LRP1B: variants seen among roughly 807,000 people sequenced by gnomAD.
The protein encoded by LRP1B is low-density lipoprotein receptor-related protein 1B.
Under a neutral mutation model 556.6 loss-of-function variants are expected in LRP1B, and 217 were observed. That is an observed-to-expected ratio of 0.39 (90% confidence interval 0.35 to 0.44). The LOEUF (loss-of-function observed/expected upper bound fraction) is 0.44, where lower values mean the gene tolerates loss of function less well. LRP1B is among the 20% of genes least tolerant of loss of function. The probability of loss-of-function intolerance (pLI) is 1.00; values close to 1 mark genes in which losing one functional copy is unlikely to be tolerated. For missense variants in LRP1B, 5,053 were observed against 5,620.8 expected, an observed-to-expected ratio of 0.90 and a Z score of 3.23; for synonymous variants, 2,047 against 1,865.8, an observed-to-expected ratio of 1.10 and a Z score of -2.50.
At chr2:141,946,431 C>T (rs189618461) in intron 1 of LRP1B, among the ~76,000 whole-genome samples, 1 of 152,072 alleles carries the variant, frequency 6.6e-6, no homozygotes, top group Non-Finnish European at 1.5e-5. Context: ...TTAGGTGGAA[C>T]TTTAGACGTG....
intron 7 of LRP1B, among the ~76,000 whole-genome samples, chr2:141,103,353 AG>A (rs1348706126): frequency 2.4e-4 from 37 of 152,148 alleles, no homozygotes; most frequent in Non-Finnish European, 3.2e-4. Flanking sequence ...ATTATTTAAA[AG>A]ACTTGTTTTA....
At chr2:140,769,892 T>C (rs1689248947) in intron 34 of LRP1B, among the ~76,000 whole-genome samples, 1 of 151,920 alleles carries the variant, frequency 6.6e-6, no homozygotes, top group Non-Finnish European at 1.5e-5. Context: ...AATACATCAA[T>C]AGCTTAATTA....
At chr2:141,879,283 T>C (rs1302037651) in intron 1 of LRP1B, among the ~76,000 whole-genome samples, 1 of 151,966 alleles carries the variant, frequency 6.6e-6, no homozygotes, top group East Asian at 1.9e-4. Flanking sequence ...TCTAAAAATA[T>C]ACTTGGGTAA....
chr2:141,761,446 A>G (rs1025488024), intron 2 of LRP1B, among the ~76,000 whole-genome samples: 1 of 152,140 alleles, frequency 6.6e-6, no homozygotes, highest in Non-Finnish European at 1.5e-5. Context: ...CATAGAAATC[A>G]TTTGAAAAAT....
chr2:141,125,859 A>AAC (rs1701192727), intron 7 of LRP1B, among the ~76,000 whole-genome samples: 2 of 150,574 alleles, frequency 1.3e-5, no homozygotes, highest in South Asian at 2.1e-4. Flanking sequence ...AAAAAAAAAA[A>AAC]AACAAAAAAC....
At chr2:141,246,258 A>G (rs1285069076) in intron 5 of LRP1B, among the ~76,000 whole-genome samples, 1 of 152,218 alleles carries the variant, frequency 6.6e-6, no homozygotes, top group Non-Finnish European at 1.5e-5. Flanking sequence ...AGAAGGCTAC[A>G]TTAATGTGAA....
At chr2:141,776,959 T>C (rs1016368816) in intron 2 of LRP1B, among the ~76,000 whole-genome samples, 1 of 152,198 alleles carries the variant, frequency 6.6e-6, no homozygotes, top group Non-Finnish European at 1.5e-5. Context: ...TCTAACTACA[T>C]TGTTTTTGCA....
intron 35 of LRP1B, among the ~76,000 whole-genome samples, chr2:140,764,415 C>T (rs888442120): frequency 6.6e-6 from 1 of 152,042 alleles, no homozygotes; most frequent in Admixed American, 6.6e-5. Context: ...TAGTATATGG[C>T]CCCTTGATCT....
intron 83 of LRP1B, among the ~76,000 whole-genome samples, chr2:140,307,234 C>G (rs1485586106): frequency 6.6e-6 from 1 of 151,936 alleles, no homozygotes; most frequent in Non-Finnish European, 1.5e-5. Flanking sequence ...TAGATTTCCT[C>G]CCTACATCAC....
intron 1 of LRP1B, among the ~76,000 whole-genome samples, chr2:142,076,744 T>C (rs1705516468): frequency 6.6e-6 from 1 of 151,960 alleles, no homozygotes; most frequent in Admixed American, 6.6e-5. Flanking sequence ...CGAAGAGGAG[T>C]CTTTGGAGGT....
intron 1 of LRP1B, among the ~76,000 whole-genome samples, chr2:142,128,277 C>T (rs1707726785): frequency 6.6e-6 from 1 of 152,068 alleles, no homozygotes; most frequent in South Asian, 2.1e-4. Flanking sequence ...GAGAAGCTAC[C>T]TATTACACAA....
intron 7 of LRP1B, among the ~76,000 whole-genome samples, chr2:141,154,016 G>T (rs1286474128): frequency 6.6e-6 from 1 of 151,720 alleles, no homozygotes; most frequent in African/African-American, 2.4e-5. Context: ...CAATTATGTT[G>T]CAGAGACAAG....
chr2:140,902,857 T>G, intron 23 of LRP1B, 63 bp downstream of exon 23: 1 of 1,539,682 alleles, frequency 6.5e-7, no homozygotes, highest in Non-Finnish European at 8.9e-7. Context: ...GAAGCAGTTT[T>G]GGGATTTGTT....
At chr2:141,286,694 A>G (rs1385537215) in intron 3 of LRP1B, 3 of 446,410 alleles carry the variant, frequency 6.7e-6, no homozygotes, top group South Asian at 3.1e-5. Context: ...ATTTTATTTC[A>G]TCTGGAGTTA....
chr2:140,978,028 G>A (rs1241260818), intron 18 of LRP1B, among the ~76,000 whole-genome samples: 1 of 152,148 alleles, frequency 6.6e-6, no homozygotes, highest in Non-Finnish European at 1.5e-5. Context: ...ATTTGAATAT[G>A]TCTTCTCTTG....
chr2:140,760,901 TAAAATAAAATAATAA>T (rs1330681106), intron 35 of LRP1B, among the ~76,000 whole-genome samples: 5 of 151,504 alleles, frequency 3.3e-5, no homozygotes, highest in African/African-American at 1.2e-4. Flanking sequence ...AAAAATAAAA[TAAAATAAAATAATAA>T]AAAATAAAAT....
rs1558948713 is a variant in LRP1B at position 140,532,938 on chromosome 2, A to ATCTATATCTATATCTATATC, written c.7762+1082_7762+1083insGATATAGATATAGATATAGA. Among the ~76,000 whole-genome samples, 55 of 113,776 alleles carry ATCTATATCTATATCTATATC rather than the reference A, an allele frequency of 4.8e-4. 2 individuals carry two copies. Among genetic ancestry groups the ATCTATATCTATATCTATATC allele is most frequent in the African/African-American group, 1.5e-3 (51 of 33,014 alleles). The allele number at this position is 113,776 out of a possible 152,430, so 74.6% of individuals were successfully genotyped here. A position where few individuals can be genotyped will look rare whatever the true frequency, so the allele number is the denominator to read the frequency against. On this transcript the variant is annotated intron_variant, in intron 47 of 90. Transcript: ENST00000389484. ...TGCAATCACAGCACAAGATATATAT[A>ATCTATATCTATATCTATATC]TATATATATACACATATATATCTCG...
chr2:142,022,929 C>G (rs1415267416), intron 1 of LRP1B, among the ~76,000 whole-genome samples: 1 of 152,132 alleles, frequency 6.6e-6, no homozygotes, highest in South Asian at 2.1e-4. Context: ...CCCACCTCGG[C>G]CTTCCAAAGT....
At chr2:140,907,033 T>C (rs193033914) in intron 22 of LRP1B, among the ~76,000 whole-genome samples, 14 of 151,930 alleles carry the variant, frequency 9.2e-5, no homozygotes, top group African/African-American at 3.1e-4. Context: ...TCATTTGAGG[T>C]CAAAATATAA....
Sources: gnomAD v4.1 joint callset for allele counts (sites outside exome capture counted in the v4.1 genomes callset) on GRCh38, gnomAD v4.1.1 for gene constraint, MANE v1.5 for transcripts, NCBI Gene and HGNC (gene_info 2026-07-23, HGNC 2026-07-21) for gene names.